The following RYR3 variants were observed in gnomAD, a reference collection of about 807,000 sequenced individuals.
RYR3 encodes the protein brain ryanodine receptor-calcium release channel.
Under a neutral mutation model 584.3 loss-of-function variants are expected in RYR3, and 207 were observed. The observed-to-expected ratio is 0.35, with a 90% CI of 0.32 to 0.40. The LOEUF (loss-of-function observed/expected upper bound fraction) is 0.40. RYR3 is among the 10% of genes least tolerant of loss of function. The pLI is 1.00. For missense variants in RYR3, 5,616 were observed against 6,089.2 expected, an observed-to-expected ratio of 0.92 and a Z score of 2.59; for synonymous variants, 2,416 against 2,248.5, an observed-to-expected ratio of 1.07 and a Z score of -2.11.
intron 2 of RYR3, among the ~76,000 whole-genome samples, chr15:33,477,647 G>A (rs1453652891): frequency 1.3e-5 from 2 of 150,702 alleles, no homozygotes; most frequent in African/African-American, 4.9e-5. Flanking sequence ...AGGCCGAGAT[G>A]GGCGGATCAC....
intron 18 of RYR3, among the ~76,000 whole-genome samples, chr15:33,606,439 C>T (rs1022242965): frequency 1.3e-5 from 2 of 152,196 alleles, no homozygotes; most frequent in African/African-American, 2.4e-5. Flanking sequence ...AACCCCCATT[C>T]CATGCTGAAT....
intron 3 of RYR3, among the ~76,000 whole-genome samples, chr15:33,519,297 T>C (rs1209520285): frequency 6.6e-6 from 1 of 152,162 alleles, no homozygotes; most frequent in African/African-American, 2.4e-5. Flanking sequence ...CTATCTATCA[T>C]ATATATAGAA....
chr15:33,444,675 G>T (rs893120171), intron 1 of RYR3, among the ~76,000 whole-genome samples: 4 of 152,202 alleles, frequency 2.6e-5, no homozygotes, highest in Non-Finnish European at 5.9e-5. Flanking sequence ...TACATTGGAG[G>T]CTTAGACCTG....
rs780514224 is a variant in RYR3, at chr15:33,755,061, G to C, written c.8400-4G>C. On this transcript the variant is annotated splice_region_variant and splice_polypyrimidine_tract_variant and intron_variant, in intron 57 of 103. Coordinates refer to ENST00000634891, the MANE Select transcript of RYR3 (RefSeq NM_001036.6). The stretch of plus-strand genomic sequence containing the variant: ...TTCCTGGGGTCTGTCCATGTCCAAC[G>C]TAGGGGTATGAAGGATATGGAGCTG... 1 of 1,577,246 alleles carries C rather than the reference G, an allele frequency of 6.3e-7. No homozygotes were observed. Among genetic ancestry groups the C allele is most frequent in the East Asian group, 2.2e-5 (1 of 44,654 alleles).
intron 65 of RYR3, among the ~76,000 whole-genome samples, chr15:33,782,052 C>T (rs1427271425): frequency 6.6e-6 from 1 of 152,160 alleles, no homozygotes; most frequent in Non-Finnish European, 1.5e-5. Flanking sequence ...CCAGTCATGA[C>T]AGTTCTGGAT....
At chr15:33,547,814 G>A (rs1489461599) in intron 8 of RYR3, among the ~76,000 whole-genome samples, 2 of 152,202 alleles carry the variant, frequency 1.3e-5, no homozygotes, top group Non-Finnish European at 2.9e-5. Flanking sequence ...CCGTCATTGT[G>A]TAACTGGGCT....
chr15:33,786,079 G>C, intron 66 of RYR3, 97 bp downstream of exon 66: 1 of 1,104,536 alleles, frequency 9.1e-7, no homozygotes, highest in Non-Finnish European at 1.3e-6. Context: ...TTTTGCACAA[G>C]CTCTATTCTA....
At chr15:33,783,645 C>T (rs965579175) in intron 65 of RYR3, among the ~76,000 whole-genome samples, 7 of 152,218 alleles carry the variant, frequency 4.6e-5, no homozygotes, top group East Asian at 3.8e-4. Flanking sequence ...TATAATCCCA[C>T]GGCAAATAGT....
chr15:33,605,261 C>A (rs2059851992), intron 18 of RYR3, among the ~76,000 whole-genome samples: 1 of 152,174 alleles, frequency 6.6e-6, no homozygotes, highest in African/African-American at 2.4e-5. Flanking sequence ...GGAACCCATT[C>A]ATGGTGCATC....
chr15:33,541,077 C>T (rs567982189), intron 7 of RYR3, among the ~76,000 whole-genome samples, 187 bp downstream of exon 7: 1 of 152,242 alleles, frequency 6.6e-6, no homozygotes, highest in Non-Finnish European at 1.5e-5. Flanking sequence ...CTTCCAGTTA[C>T]ATGAGCATCC....
At chr15:33,422,375 T>C (rs16970820) in intron 1 of RYR3, among the ~76,000 whole-genome samples, 15,567 of 152,206 alleles carry the variant, frequency 0.1, 1,748 homozygotes, top group African/African-American at 0.28. Flanking sequence ...AAACCATTTA[T>C]GGAATACTAG....
chr15:33,781,730 TC>T (rs1216426747), intron 65 of RYR3, among the ~76,000 whole-genome samples: 2 of 152,046 alleles, frequency 1.3e-5, no homozygotes, highest in African/African-American at 4.8e-5. Flanking sequence ...TCAGAGGTAG[TC>T]AAGAGAAACA....
chr15:33,544,895 G>A (rs72727629), intron 8 of RYR3, among the ~76,000 whole-genome samples: 3 of 152,160 alleles, frequency 2.0e-5, no homozygotes, highest in East Asian at 1.9e-4. Context: ...AAGTTAGGTC[G>A]ACCTTATTTT....
chr15:33,854,325 C>A, intron 96 of RYR3, 64 bp from the exon 97 acceptor site: 10 of 1,367,720 alleles, frequency 7.3e-6, no homozygotes, highest in South Asian at 2.6e-5. Flanking sequence ...ACTTTTTCCC[C>A]CTTATTGAGC....
intron 64 of RYR3, among the ~76,000 whole-genome samples, chr15:33,777,300 C>T (rs562268372): frequency 2.2e-4 from 33 of 152,332 alleles, no homozygotes; most frequent in Admixed American, 6.5e-4. Context: ...CATACCAACA[C>T]TCCCTGCTGG....
chr15:33,755,010 C>A, intron 57 of RYR3, 55 bp from the exon 58 acceptor site: 1 of 948,378 alleles, frequency 1.1e-6, no homozygotes, highest in Non-Finnish European at 1.7e-6. Flanking sequence ...GGTGGTGCAC[C>A]TGAGTGACAT....
intron 67 of RYR3, among the ~76,000 whole-genome samples, chr15:33,796,356 A>C (rs2075622062): frequency 1.3e-5 from 2 of 152,186 alleles, no homozygotes; most frequent in Middle Eastern, 3.4e-3. Context: ...CTGGTCTTGA[A>C]GTCCTGACAT....
chr15:33,321,862 G>A (rs928002881), intron 1 of RYR3, among the ~76,000 whole-genome samples: 1 of 152,162 alleles, frequency 6.6e-6, no homozygotes, highest in Non-Finnish European at 1.5e-5. Context: ...GAACTCTATG[G>A]ATGAGTTATT....
Position 33,562,892 on chromosome 15 carries a change from T to G in RYR3, c.1028T>G (p.Val343Gly), listed in dbSNP as rs770465177. The G allele has an allele frequency of 6.2e-7, 1 of 1,613,390 alleles. No homozygotes were observed. Among genetic ancestry groups the G allele is most frequent in the South Asian group, 1.1e-5 (1 of 91,074 alleles). The change falls in exon 11 of 104, where the codon GTT becomes GGT. Residue 343 changes from valine to glycine, a missense_variant. Physicochemically the swap from Val to Gly is moderately radical, Grantham distance 109. Coordinates refer to ENST00000634891, the MANE Select transcript of RYR3 (RefSeq NM_001036.6). ...SHKRDIEGMG[V>G]PEIKYGDSVC... is the part of the protein sequence containing the mutation. ...AAGCGAGACATAGAAGGCATGGGAG[T>G]TCCAGAAATCAAGTATGGAGATTCT...
Sources: gnomAD v4.1 joint callset for allele counts (sites outside exome capture counted in the v4.1 genomes callset) on GRCh38, gnomAD v4.1.1 for gene constraint, MANE v1.5 for transcripts, NCBI Gene and HGNC (gene_info 2026-07-23, HGNC 2026-07-21) for gene names.